The following PAK5 variants were observed in gnomAD, a reference collection of about 807,000 sequenced individuals.
PAK5 encodes the protein p21 (RAC1) activated kinase 5.
In PAK5, 16 loss-of-function variants were observed where a neutral mutation model predicts 65.9. The ratio of observed to expected loss-of-function variants is 0.24; its 90% CI spans 0.16 to 0.37. The LOEUF is 0.37. Ranked by LOEUF, PAK5 falls within the 10% of genes least tolerant of loss-of-function variation. PAK5 has a pLI of 1.00. For missense variants in PAK5, 785 were observed against 903.9 expected (o/e 0.87, Z 1.69); for synonymous variants, 371 against 354.9 (o/e 1.05, Z -0.51).
chr20:9,703,992 TCTC>T (rs1453532021), intron 2 of PAK5, among the ~76,000 whole-genome samples: 1 of 152,140 alleles, frequency 6.6e-6, no homozygotes, highest in Non-Finnish European at 1.5e-5. Context: ...AAGCTGTTCT[TCTC>T]TGTCAGAAAA....
chr20:9,806,248 C>A (rs2049231935), intron 1 of PAK5, among the ~76,000 whole-genome samples: 1 of 152,168 alleles, frequency 6.6e-6, no homozygotes, highest in South Asian at 2.1e-4. Context: ...CTCTGCCTCC[C>A]AAAGTGCTGG....
chr20:9,583,345 C>T (rs1213263094), intron 3 of PAK5, among the ~76,000 whole-genome samples: 4 of 152,188 alleles, frequency 2.6e-5, no homozygotes, highest in Admixed American at 2.0e-4. Context: ...CAGTCATTTG[C>T]CTATTCAGTG....
intron 2 of PAK5, among the ~76,000 whole-genome samples, chr20:9,694,309 T>C (rs2047838518): frequency 3.1e-5 from 2 of 64,398 alleles, no homozygotes; most frequent in South Asian, 1.3e-3. Context: ...TGTGTTTGTG[T>C]GTGTGTGTGT....
At chr20:9,763,795 T>C (rs1372048686) in intron 1 of PAK5, among the ~76,000 whole-genome samples, 1 of 152,166 alleles carries the variant, frequency 6.6e-6, no homozygotes, top group African/African-American at 2.4e-5. Flanking sequence ...TCTTCAAAGA[T>C]TAACATTTTG....
chr20:9,562,813 G>T, intron 6 of PAK5, 78 bp downstream of exon 6: 1 of 1,325,588 alleles, frequency 7.5e-7, no homozygotes, highest in Non-Finnish European at 1.1e-6. Context: ...AATTTATGAA[G>T]AGTTCATAGT....
chr20:9,766,988 C>T (rs2048775699), intron 1 of PAK5, among the ~76,000 whole-genome samples: 1 of 151,972 alleles, frequency 6.6e-6, no homozygotes, highest in South Asian at 2.1e-4. Context: ...AGGATATGCT[C>T]CCACAAGATG....
chr20:9,735,956 CAA>C, intron 1 of PAK5, among the ~76,000 whole-genome samples: 1 of 148,424 alleles, frequency 6.7e-6, no homozygotes, highest in East Asian at 2.0e-4. Flanking sequence ...GGCTGGAGTG[CAA>C]TGGCATGATC....
intron 1 of PAK5, among the ~76,000 whole-genome samples, chr20:9,764,330 A>C (rs2048732629): frequency 6.6e-6 from 1 of 151,692 alleles, no homozygotes; most frequent in Admixed American, 6.6e-5. Context: ...AGATACCATT[A>C]GGTCCCTTTC....
intron 2 of PAK5, among the ~76,000 whole-genome samples, chr20:9,694,626 A>G (rs931298325): frequency 3.9e-5 from 6 of 152,018 alleles, no homozygotes; most frequent in African/African-American, 1.4e-4. Context: ...GGTCTGCTTG[A>G]TTTTGGACTT....
rs746040573 is a variant in PAK5, at chr20:9,580,697, G to A, written c.438C>T (p.Tyr146=). 6.2e-6 allele frequency: 10 copies of A among 1,613,854 alleles called. No individual in the cohort carries two copies. The African/African-American group carries it at 1.1e-4, about 17-fold the overall frequency. ...CATCTCCATAGAGACTCTTCTCCCT[G>A]TACTTTTCGGTCGTGTAGTCAGCAG... ...DTTADYTTEK[Y]REKSLYGDDL... The change falls in exon 4 of 10, where the codon TAC becomes TAT. Residue 146 remains tyrosine, a synonymous_variant. Transcript: ENST00000353224.
chr20:9,783,339 T>A (rs1172453600), intron 1 of PAK5, among the ~76,000 whole-genome samples: 1 of 152,200 alleles, frequency 6.6e-6, no homozygotes, highest in African/African-American at 2.4e-5. Flanking sequence ...TATTGCTGCG[T>A]ATCTATCTAT....
chr20:9,621,403 AT>A (rs1383386028), intron 3 of PAK5, among the ~76,000 whole-genome samples: 1 of 106,078 alleles, frequency 9.4e-6, no homozygotes, highest in Non-Finnish European at 2.4e-5. Flanking sequence ...GGCAGGACTG[AT>A]TAAAAAAAAA....
intron 1 of PAK5, among the ~76,000 whole-genome samples, chr20:9,757,387 A>T (rs1301394533): frequency 1.3e-5 from 2 of 152,208 alleles, no homozygotes; most frequent in African/African-American, 4.8e-5. Flanking sequence ...TTGAAAATAA[A>T]ATATGATGAA....
At chr20:9,546,937 C>G (rs1157732113) in intron 7 of PAK5, among the ~76,000 whole-genome samples, 1 of 152,168 alleles carries the variant, frequency 6.6e-6, no homozygotes, top group African/African-American at 2.4e-5. Context: ...TTACTATTCT[C>G]TACAGTGGGT....
At chr20:9,618,551 C>A (rs1275907914) in intron 3 of PAK5, among the ~76,000 whole-genome samples, 1 of 151,440 alleles carries the variant, frequency 6.6e-6, no homozygotes, top group East Asian at 1.9e-4. Context: ...AGATTGCAGG[C>A]ATGTGCCACC....
At chr20:9,600,936 T>C (rs964322708) in intron 3 of PAK5, among the ~76,000 whole-genome samples, 3 of 152,172 alleles carry the variant, frequency 2.0e-5, no homozygotes, top group Admixed American at 6.5e-5. Context: ...TGTTTTCTAC[T>C]TCCATGGGGT....
chr20:9,707,630 T>C (rs1266775332), intron 2 of PAK5, among the ~76,000 whole-genome samples: 2 of 152,184 alleles, frequency 1.3e-5, no homozygotes, highest in Non-Finnish European at 2.9e-5. Flanking sequence ...CTTTGATGTA[T>C]ATGTTGTAGA....
At chr20:9,831,696 T>G (rs979801561) in intron 1 of PAK5, among the ~76,000 whole-genome samples, 2 of 152,176 alleles carry the variant, frequency 1.3e-5, no homozygotes, top group African/African-American at 2.4e-5. Context: ...TTTGTAGTGA[T>G]GGGGTTTTGC....
chr20:9,778,825 T>C (rs2123692970), intron 1 of PAK5, among the ~76,000 whole-genome samples: 1 of 152,276 alleles, frequency 6.6e-6, no homozygotes, highest in East Asian at 1.9e-4. Flanking sequence ...TAAATAATTA[T>C]AAAGTGAACT....
Sources: allele counts gnomAD v4.1 joint callset (sites outside exome capture counted in the v4.1 genomes callset), GRCh38; gene constraint gnomAD v4.1.1; transcripts MANE v1.5; gene names NCBI Gene and HGNC (gene_info 2026-07-23, HGNC 2026-07-21).